Variants in PRKN observed in about 807,000 individuals in gnomAD.
PRKN encodes E3 ubiquitin-protein ligase parkin.
In PRKN, 56 loss-of-function variants were observed where a neutral mutation model predicts 59.5. That is an observed-to-expected ratio of 0.94 (90% CI 0.76 to 1.18). The LOEUF (loss-of-function observed/expected upper bound fraction) is 1.18. Among genes scored for constraint, PRKN ranks in the 50% most tolerant of loss-of-function variants. The probability of loss-of-function intolerance (pLI) is 0.00; values close to 1 mark genes in which losing one functional copy is unlikely to be tolerated. For missense variants in PRKN, 657 were observed against 596.4 expected, an observed-to-expected ratio of 1.10 and a Z score of -1.06; for synonymous variants, 250 against 222.1, an observed-to-expected ratio of 1.13 and a Z score of -1.12.
intron 5 of PRKN, among the ~76,000 whole-genome samples, chr6:162,024,922 GTCT>G (rs202245125): frequency 0.011 from 1,632 of 151,496 alleles, 35 homozygotes; most frequent in African/African-American, 0.035. Flanking sequence ...CACCAAATAA[GTCT>G]TTTTTTATAT....
intron 7 of PRKN, among the ~76,000 whole-genome samples, chr6:161,617,180 T>C (rs1047996648): frequency 6.6e-6 from 1 of 152,260 alleles, no homozygotes; most frequent in Non-Finnish European, 1.5e-5. Context: ...CTTTTTTTCA[T>C]ATGCTTGTTG....
intron 4 of PRKN, among the ~76,000 whole-genome samples, chr6:162,068,551 C>A (rs1209254016): frequency 6.6e-6 from 1 of 152,194 alleles, no homozygotes; most frequent in African/African-American, 2.4e-5. Flanking sequence ...AACTTCCTTG[C>A]AGCTGTCATT....
chr6:162,390,997 T>C (rs550599871), intron 2 of PRKN, among the ~76,000 whole-genome samples: 1 of 152,196 alleles, frequency 6.6e-6, no homozygotes, highest in South Asian at 2.1e-4. Flanking sequence ...GATGCTGAAT[T>C]TTCTTTAGTC....
chr6:162,725,769 A>AG (rs1276721070), intron 1 of PRKN, among the ~76,000 whole-genome samples: 1 of 110,256 alleles, frequency 9.1e-6, no homozygotes, highest in African/African-American at 3.4e-5. Context: ...TCTCAAAAAG[A>AG]GGAAAAAAAA....
At chr6:161,493,963 G>A (rs1218777174) in intron 9 of PRKN, among the ~76,000 whole-genome samples, 8 of 152,150 alleles carry the variant, frequency 5.3e-5, no homozygotes, top group African/African-American at 7.2e-5. Flanking sequence ...AGGCAGGGAC[G>A]CTCGATCAGC....
intron 7 of PRKN, among the ~76,000 whole-genome samples, chr6:161,701,341 G>A (rs1786242499): frequency 6.6e-6 from 1 of 152,132 alleles, no homozygotes; most frequent in African/African-American, 2.4e-5. Context: ...AAATGTGAGT[G>A]ATTAGAATGT....
At chr6:162,556,362 T>TGTGTGTGTGTGTGTGTGTGC (rs1779583961) in intron 1 of PRKN, among the ~76,000 whole-genome samples, 28 of 86,262 alleles carry the variant, frequency 3.2e-4, no homozygotes, top group African/African-American at 1.0e-3. Context: ...TGTGTGTGTG[T>TGTGTGTGTGTGTGTGTGTGC]GTGTGTGTGT....
intron 6 of PRKN, among the ~76,000 whole-genome samples, chr6:161,862,859 G>T (rs1793962322): frequency 6.6e-6 from 1 of 152,148 alleles, no homozygotes; most frequent in Non-Finnish European, 1.5e-5. Flanking sequence ...TTCCTGTTTG[G>T]TTTGTTTTTT....
chr6:161,463,634 A>AAACTTTAC lies in PRKN; in HGVS notation c.1084-76758_1084-76757insGTAAAGTT, dbSNP rs1790315759. 6.6e-6 allele frequency among the ~76,000 whole-genome samples: 1 copy of AAACTTTAC among 152,210 alleles called. No individual in the cohort carries two copies. The highest frequency in any genetic ancestry group is 2.1e-4 in the South Asian group (1 of 4,832). On this transcript the variant is annotated intron_variant, in intron 9 of 11. Coordinates refer to ENST00000366898, the MANE Select transcript of PRKN (RefSeq NM_004562.3). This position sits in a 1 kb window ranked among gnomAD's most constrained non-coding sequence, Gnocchi z 4.8. ...TCCCATGGACTGAAACTTTACAGGT[A>AAACTTTAC]AAGGCCAAAGTTTTGATTCAGCATG...
At chr6:162,446,641 C>T (rs1012699739) in intron 1 of PRKN, among the ~76,000 whole-genome samples, 2 of 151,902 alleles carry the variant, frequency 1.3e-5, no homozygotes, top group East Asian at 3.9e-4. Context: ...GAAAGATAAA[C>T]CAAATACATA....
chr6:161,747,802 C>T (rs1298348895), intron 7 of PRKN, among the ~76,000 whole-genome samples: 1 of 152,064 alleles, frequency 6.6e-6, no homozygotes, highest in Admixed American at 6.5e-5. Context: ...GAGCAGAGTA[C>T]CAGAATTTAA....
At chr6:161,744,524 C>T (rs1788332402) in intron 7 of PRKN, among the ~76,000 whole-genome samples, 2 of 152,118 alleles carry the variant, frequency 1.3e-5, no homozygotes, top group South Asian at 4.1e-4. Flanking sequence ...TGGCCCAGGG[C>T]TTCGAGATCC....
At chr6:161,398,197 T>C (rs149575737) in intron 9 of PRKN, among the ~76,000 whole-genome samples, 24 of 152,206 alleles carry the variant, frequency 1.6e-4, no homozygotes, top group African/African-American at 5.3e-4. Context: ...CAGAGCACCA[T>C]AGCAGCTCTG....
At chr6:161,358,584 C>T (rs577214883) in intron 11 of PRKN, among the ~76,000 whole-genome samples, 1 of 152,220 alleles carries the variant, frequency 6.6e-6, no homozygotes, top group Admixed American at 6.5e-5. Context: ...CATTGCACCC[C>T]AGCCTGGGCT....
At chr6:162,627,613 T>A (rs2803118) in intron 1 of PRKN, among the ~76,000 whole-genome samples, 93,142 of 151,854 alleles carry the variant, frequency 0.61, 29,288 homozygotes, top group African/African-American at 0.75. Context: ...TGAGAGATGA[T>A]GAAGGGTAAA....
At chr6:162,460,228 A>G (rs1583609606) in intron 1 of PRKN, among the ~76,000 whole-genome samples, 1 of 152,202 alleles carries the variant, frequency 6.6e-6, no homozygotes, top group East Asian at 1.9e-4. Flanking sequence ...AACCTGGGTG[A>G]ACCTTGAAAA....
chr6:161,667,887 TGGGA>T (rs1401754722), intron 7 of PRKN, among the ~76,000 whole-genome samples: 1 of 152,158 alleles, frequency 6.6e-6, no homozygotes, highest in Non-Finnish European at 1.5e-5. Context: ...GAGAAAAACC[TGGGA>T]GGGTTTATTT....
rs1449469319 is a variant in PRKN at position 162,021,165 on chromosome 6, T to TAA, written c.618+32924_618+32925dup. Among the ~76,000 whole-genome samples the TAA allele has an allele frequency of 7.6e-4, 24 of 31,378 alleles. 1 individual carries two copies. The highest frequency in any genetic ancestry group is 4.5e-3 in the East Asian group (12 of 2,666). The allele number at this position is 31,378 out of a possible 152,430, so 20.6% of individuals were successfully genotyped here. A position where few individuals can be genotyped will look rare whatever the true frequency, so the allele number is the denominator to read the frequency against. On this transcript the variant is annotated intron_variant, in intron 5 of 11. Transcript: ENST00000366898. ...ATATATATATATATATATATATATA[T>TAA]AAAATATATGTGTATATATATTATA...
chr6:161,892,750 A>C (rs1422318019), intron 6 of PRKN, among the ~76,000 whole-genome samples: 4 of 152,204 alleles, frequency 2.6e-5, no homozygotes, highest in African/African-American at 9.6e-5. Flanking sequence ...AAACAATAAA[A>C]AAAATTAAAA....
Sources: gnomAD v4.1 joint callset for allele counts (sites outside exome capture counted in the v4.1 genomes callset) on GRCh38, gnomAD v4.1.1 for gene constraint, Gnocchi (gnomAD v3.1) non-coding constraint, MANE v1.5 for transcripts, NCBI Gene and HGNC (gene_info 2026-07-23, HGNC 2026-07-21) for gene names.